Variants in GRIN2B observed in about 807,000 individuals in gnomAD.
GRIN2B encodes glutamate receptor ionotropic, NMDA 2B.
GRIN2B carries 5 observed loss-of-function variants against 114.5 expected under a neutral mutation model. The observed-to-expected ratio is 0.04, with a 90% CI of 0.02 to 0.09. GRIN2B has a LOEUF of 0.09. Ranked by LOEUF, GRIN2B falls within the 10% of genes least tolerant of loss-of-function variation. GRIN2B has a pLI of 1.00. For synonymous variants in GRIN2B, 787 were observed against 745.1 expected (o/e 1.06, Z -0.92); for missense variants, 1,108 against 1,943.5 (o/e 0.57, Z 8.08).
intron 5 of GRIN2B, among the ~76,000 whole-genome samples, chr12:13,641,977 C>T (rs1479863945): frequency 6.6e-6 from 1 of 152,134 alleles, no homozygotes; most frequent in African/African-American, 2.4e-5. Flanking sequence ...CACCTGAGGT[C>T]AGGAGCTCGA....
At chr12:13,815,121 G>A (rs220596) in intron 3 of GRIN2B, among the ~76,000 whole-genome samples, 92,321 of 152,066 alleles carry the variant, frequency 0.61, 28,304 homozygotes, top group East Asian at 0.76. Context: ...CTTCTCCAAT[G>A]TGACCTAGAT....
At chr12:13,633,156 C>T (rs1164826934) in intron 5 of GRIN2B, among the ~76,000 whole-genome samples, 1 of 152,210 alleles carries the variant, frequency 6.6e-6, no homozygotes, top group Non-Finnish European at 1.5e-5. Flanking sequence ...GGCTGTTGCA[C>T]TTGTGCATGT....
intron 2 of GRIN2B, among the ~76,000 whole-genome samples, chr12:13,904,458 A>G (rs557658444): frequency 2.0e-5 from 3 of 152,118 alleles, no homozygotes; most frequent in South Asian, 2.1e-4. Context: ...TTATACGTAC[A>G]CTTTTGTTGT....
chr12:13,584,537 G>A (rs1033386916), intron 10 of GRIN2B, among the ~76,000 whole-genome samples: 2 of 152,240 alleles, frequency 1.3e-5, no homozygotes, highest in Non-Finnish European at 2.9e-5. Flanking sequence ...GCAACACACA[G>A]TTGAGCATTA....
At position 13,577,078 on chromosome 12, in the gene GRIN2B, T is replaced by C. The variant is rs78333588; in HGVS notation, c.2011-5114A>G. 2.5e-3 allele frequency among the ~76,000 whole-genome samples: 383 copies of C among 152,184 alleles called. 3 individuals carry two copies. The highest frequency in any genetic ancestry group is 8.7e-3 in the African/African-American group (362 of 41,528). ...GACAAGCTGAGACTTGACCCCTGAGTATGGCCTTCCTTTTGCCAGCTGAAA... is the reference window on the plus strand; with the variant it reads ...GACAAGCTGAGACTTGACCCCTGAGCATGGCCTTCCTTTTGCCAGCTGAAA... On this transcript the variant is annotated intron_variant, in intron 10 of 13. Transcript: ENST00000609686.
intron 3 of GRIN2B, among the ~76,000 whole-genome samples, chr12:13,760,009 C>T (rs543228985): frequency 5.3e-5 from 8 of 152,302 alleles, no homozygotes; most frequent in Admixed American, 1.3e-4. Flanking sequence ...ACCTCTTCCA[C>T]GTCTTTGCTA....
intron 3 of GRIN2B, among the ~76,000 whole-genome samples, chr12:13,760,897 A>G (rs539893570): frequency 6.6e-6 from 1 of 152,232 alleles, no homozygotes; most frequent in South Asian, 2.1e-4. Context: ...CCACACCATC[A>G]TTTTTTTCTG....
At chr12:13,947,715 C>G (rs979038341) in intron 2 of GRIN2B, among the ~76,000 whole-genome samples, 1 of 152,084 alleles carries the variant, frequency 6.6e-6, no homozygotes, top group African/African-American at 2.4e-5. Flanking sequence ...CTGATAGGAC[C>G]CCACCTTTGG....
chr12:13,858,967 A>G (rs1246488241), intron 3 of GRIN2B, among the ~76,000 whole-genome samples: 1 of 152,250 alleles, frequency 6.6e-6, no homozygotes, highest in Non-Finnish European at 1.5e-5. Flanking sequence ...AATAGGAAAA[A>G]TTAGAATCCA....
intron 4 of GRIN2B, among the ~76,000 whole-genome samples, chr12:13,710,814 T>C (rs183364277): frequency 0.014 from 2,159 of 152,250 alleles, 28 homozygotes; most frequent in Non-Finnish European, 0.021. Context: ...AGGTAATTTA[T>C]AGATTCAATG....
chr12:13,919,916 C>T (rs558779916), intron 2 of GRIN2B, among the ~76,000 whole-genome samples: 43 of 152,132 alleles, frequency 2.8e-4, no homozygotes, highest in African/African-American at 3.4e-4. Context: ...GAGCATTTGA[C>T]GCCCTTTACC....
At chr12:13,966,665 C>T (rs1226714274) in intron 2 of GRIN2B, among the ~76,000 whole-genome samples, 1 of 152,300 alleles carries the variant, frequency 6.6e-6, no homozygotes, top group African/African-American at 2.4e-5. Flanking sequence ...GACAACTAAG[C>T]ATCACACTGC....
At chr12:13,900,053 G>T (rs1380546077) in intron 2 of GRIN2B, among the ~76,000 whole-genome samples, 2 of 152,062 alleles carry the variant, frequency 1.3e-5, no homozygotes, top group African/African-American at 2.4e-5. Flanking sequence ...TTCTCTATTT[G>T]TTAAATCTAT....
intron 3 of GRIN2B, among the ~76,000 whole-genome samples, chr12:13,823,591 T>C (rs1175082328): frequency 1.3e-5 from 2 of 152,148 alleles, no homozygotes; most frequent in Non-Finnish European, 2.9e-5. Flanking sequence ...TAGAAAGTCA[T>C]GTCATTTGTG....
At chr12:13,965,171 C>T (rs1867767547) in intron 2 of GRIN2B, among the ~76,000 whole-genome samples, 1 of 152,308 alleles carries the variant, frequency 6.6e-6, no homozygotes, top group South Asian at 2.1e-4. Flanking sequence ...AGCCTGAAAT[C>T]CTCACAGAGC....
At chr12:13,643,021 A>C (rs1291926380) in intron 5 of GRIN2B, among the ~76,000 whole-genome samples, 1 of 152,220 alleles carries the variant, frequency 6.6e-6, no homozygotes. Context: ...AGGCCTCACC[A>C]CACAATAGAG....
intron 4 of GRIN2B, among the ~76,000 whole-genome samples, chr12:13,718,299 C>T (rs1390101062): frequency 6.6e-6 from 1 of 152,062 alleles, no homozygotes; most frequent in East Asian, 1.9e-4. Flanking sequence ...CCTTTTCCCT[C>T]CTTCAAGGTG....
At chr12:13,908,011 CA>C (rs1866571651) in intron 2 of GRIN2B, among the ~76,000 whole-genome samples, 1 of 151,938 alleles carries the variant, frequency 6.6e-6, no homozygotes, top group African/African-American at 2.4e-5. Context: ...AGTCCTAATT[CA>C]ACTTTTCAGC....
chr12:13,776,309 C>T (rs1253927426), intron 3 of GRIN2B, among the ~76,000 whole-genome samples: 1 of 152,140 alleles, frequency 6.6e-6, no homozygotes, highest in Non-Finnish European at 1.5e-5. Context: ...GGAAGAGGAG[C>T]TAATGGATGC....
Sources: gnomAD v4.1 joint callset for allele counts (sites outside exome capture counted in the v4.1 genomes callset) on GRCh38, gnomAD v4.1.1 for gene constraint, MANE v1.5 for transcripts, NCBI Gene and HGNC (gene_info 2026-07-23, HGNC 2026-07-21) for gene names.